CAPN9: variants seen among roughly 807,000 people sequenced by gnomAD.
CAPN9 encodes the protein calpain 9.
CAPN9 carries 81 observed loss-of-function variants against 92.8 expected under a neutral mutation model. The ratio of observed to expected loss-of-function variants is 0.87; its 90% CI spans 0.73 to 1.05. The LOEUF is 1.05. Ranked by LOEUF, CAPN9 falls within the 50% of genes least tolerant of loss-of-function variation. The pLI, the probability that CAPN9 is intolerant of heterozygous loss-of-function variation, is 0.00. For missense variants in CAPN9, 848 were observed against 866.2 expected (o/e 0.98, Z 0.26); for synonymous variants, 304 against 328.0 (o/e 0.93, Z 0.79).
Position 230,747,762 on chromosome 1 carries a change from C to G in CAPN9, c.213+53C>G, listed in dbSNP as rs1043984241. Reference sequence around the variant, plus strand: ...ATAGATGAGGCCGAGGTTCAGCAGCCCCCGCAGGAAGTGGAAACAGGGGTG... The same window carrying G: ...ATAGATGAGGCCGAGGTTCAGCAGCGCCCGCAGGAAGTGGAAACAGGGGTG... On this transcript the variant is annotated intron_variant, in intron 1 of 19. Transcript: ENST00000271971. 2.7e-4 allele frequency: 415 copies of G among 1,532,006 alleles called. 7 individuals carry two copies. Among genetic ancestry groups the G allele is most frequent in the East Asian group, 1.5e-3 (65 of 44,152 alleles). 94.9% of individuals were successfully genotyped at this position (1,532,006 alleles called of 1,614,324 possible).
chr1:230,767,090 A>C (rs1332866274), intron 4 of CAPN9, among the ~76,000 whole-genome samples: 1 of 152,176 alleles, frequency 6.6e-6, no homozygotes. Flanking sequence ...AGAAGAAGGG[A>C]AAGGGCCTCT....
intron 14 of CAPN9, among the ~76,000 whole-genome samples, chr1:230,791,089 C>T (rs759764852): frequency 4.6e-5 from 7 of 152,192 alleles, no homozygotes; most frequent in African/African-American, 1.2e-4. Context: ...AACATTCCAT[C>T]GTATGGATGG....
intron 8 of CAPN9, among the ~76,000 whole-genome samples, chr1:230,778,310 GTC>G (rs1666960311): frequency 6.6e-6 from 1 of 152,098 alleles, no homozygotes; most frequent in South Asian, 2.1e-4. Flanking sequence ...AGCCACCCTT[GTC>G]TCTCACTTGG....
rs1262873997 is a variant in CAPN9, at chr1:230,767,726, C to A, written c.705+17C>A. ...TTCATTGATGTAAGTTGCTCATGGG[C>A]TCCCATTCCAGGCACTATGCTGGGG... On this transcript the variant is annotated intron_variant, in intron 5 of 19. Transcript: ENST00000271971. 3 of 1,609,436 alleles carry A rather than the reference C, an allele frequency of 1.9e-6. No homozygotes were observed. Among genetic ancestry groups the A allele is most frequent in the Middle Eastern group, 1.7e-4 (1 of 6,028 alleles).
intron 2 of CAPN9, among the ~76,000 whole-genome samples, chr1:230,755,665 C>T (rs1665177196): frequency 6.6e-6 from 1 of 152,204 alleles, no homozygotes. Context: ...CACCCAGCAG[C>T]GTTGGTCGGG....
At chr1:230,754,227 A>G (rs968755466) in intron 1 of CAPN9, among the ~76,000 whole-genome samples, 5 of 152,102 alleles carry the variant, frequency 3.3e-5, no homozygotes, top group African/African-American at 7.2e-5. Context: ...TTGTCGTCCA[A>G]TGTCAGGAAT....
chr1:230,779,436 C>G (rs1356840747), intron 9 of CAPN9, among the ~76,000 whole-genome samples: 1 of 152,066 alleles, frequency 6.6e-6, no homozygotes, highest in Non-Finnish European at 1.5e-5. Context: ...GTAGGGTGGG[C>G]TTCAGGCACA....
intron 2 of CAPN9, among the ~76,000 whole-genome samples, chr1:230,756,396 A>C (rs1381059034): frequency 2.6e-5 from 4 of 152,230 alleles, no homozygotes; most frequent in Non-Finnish European, 5.9e-5. Context: ...CGGATGCATA[A>C]TTAGATAGAT....
In CAPN9 at chr1:230,791,264, A is replaced by G. The variant is rs28359711; in HGVS notation, c.1658-600A>G. ...TAGTTATGAGGATGGTTCCATCACA[A>G]TGCAACAGTCTATGGTTACATGGTG... On this transcript the variant is annotated intron_variant, in intron 14 of 19. Transcript: ENST00000271971. Among the ~76,000 whole-genome samples the G allele has an allele frequency of 2.4e-3, 363 of 152,344 alleles. 2 individuals are homozygous for G. Among genetic ancestry groups the G allele is most frequent in the South Asian group, 0.012 (58 of 4,834 alleles).
intron 11 of CAPN9, 93 bp from the exon 12 acceptor site, chr1:230,785,888 C>A: frequency 8.0e-7 from 1 of 1,255,040 alleles, no homozygotes; most frequent in Non-Finnish European, 1.2e-6. Flanking sequence ...TTCAAAGGGA[C>A]AGAACCTTCC....
chr1:230,751,970 G>A (rs1204288332), intron 1 of CAPN9, among the ~76,000 whole-genome samples: 1 of 152,018 alleles, frequency 6.6e-6, no homozygotes, highest in African/African-American at 2.4e-5. Context: ...ACCTCTGATC[G>A]TCCTATCACA....
chr1:230,751,873 A>C (rs866595032), intron 1 of CAPN9, among the ~76,000 whole-genome samples: 1 of 2,112 alleles, frequency 4.7e-4, no homozygotes, highest in Non-Finnish European at 9.3e-4. Flanking sequence ...GGGGAGGGGG[A>C]GGGGGAGGGG....
chr1:230,776,028 T>A (rs28359671), intron 8 of CAPN9: 90 of 152,294 alleles, frequency 5.9e-4, no homozygotes, highest in African/African-American at 1.9e-3. Flanking sequence ...TTCTGTATTT[T>A]TATAGTTGTC....
intron 12 of CAPN9, among the ~76,000 whole-genome samples, chr1:230,786,391 G>T (rs1667588536): frequency 6.6e-6 from 1 of 152,170 alleles, no homozygotes; most frequent in Admixed American, 6.5e-5. Flanking sequence ...ACCTATTTGG[G>T]GAGGTAAAGG....
chr1:230,788,906 G>C (rs1445926201), intron 13 of CAPN9, among the ~76,000 whole-genome samples: 1 of 152,202 alleles, frequency 6.6e-6, no homozygotes, highest in Non-Finnish European at 1.5e-5. Flanking sequence ...GAATGTTGCA[G>C]GAGTTTCAGT....
At chr1:230,798,958 G>A (rs1396668834) in intron 19 of CAPN9, among the ~76,000 whole-genome samples, 1 of 152,222 alleles carries the variant, frequency 6.6e-6, no homozygotes, top group Admixed American at 6.5e-5. Flanking sequence ...CCTGCCCAAA[G>A]GCAGAGGGGA....
At chr1:230,757,637 T>G (rs1195830941) in intron 2 of CAPN9, among the ~76,000 whole-genome samples, 1 of 150,348 alleles carries the variant, frequency 6.7e-6, no homozygotes, top group Non-Finnish European at 1.5e-5. Context: ...ATCGCAGCGC[T>G]TTGGGAGGGG....
intron 1 of CAPN9, among the ~76,000 whole-genome samples, chr1:230,754,968 A>G (rs1432881323): frequency 1.3e-5 from 2 of 152,210 alleles, no homozygotes; most frequent in Non-Finnish European, 2.9e-5. Flanking sequence ...GAGGTCACAG[A>G]GCTCACAGCT....
In CAPN9 at chr1:230,774,550, C is replaced by T. The variant is rs369979658; in HGVS notation, c.876-4C>T. 7 of 1,610,836 alleles carry T rather than the reference C, an allele frequency of 4.3e-6. No homozygotes were observed. Among genetic ancestry groups the T allele is most frequent in the African/African-American group, 1.3e-5 (1 of 74,808 alleles). On this transcript the variant is annotated splice_polypyrimidine_tract_variant and splice_region_variant and intron_variant, in intron 7 of 19. Transcript: ENST00000271971. The stretch of plus-strand genomic sequence containing the variant: ...GCCTGAACACCAATTTTGTTTACTC[C>T]TAGTTCTCCGGAGTGGCGTTCTGTT...
Sources: allele counts gnomAD v4.1 joint callset (sites outside exome capture counted in the v4.1 genomes callset), GRCh38; gene constraint gnomAD v4.1.1; transcripts MANE v1.5; gene names NCBI Gene and HGNC (gene_info 2026-07-23, HGNC 2026-07-21).